Variants in S1PR1 observed in about 807,000 individuals in gnomAD.
The protein encoded by S1PR1 is sphingosine-1-phosphate receptor 1, also known as sphingosine 1-phosphate receptor 1.
S1PR1 carries 2 observed loss-of-function variants against 18.3 expected under a neutral mutation model. The ratio of observed to expected loss-of-function variants is 0.11; its 90% CI spans 0.04 to 0.34. The LOEUF (loss-of-function observed/expected upper bound fraction) is 0.34. S1PR1 is among the 10% of genes least tolerant of loss of function. The probability of loss-of-function intolerance (pLI) is 1.00; values close to 1 mark genes in which losing one functional copy is unlikely to be tolerated. For synonymous variants in S1PR1, 222 were observed against 211.2 expected (o/e 1.05, Z -0.44); for missense variants, 335 against 493.8 (o/e 0.68, Z 3.05).
intron 1 of S1PR1, 55 bp from the exon 2 acceptor site, chr1:101,238,767 A>C: frequency 1.7e-6 from 1 of 582,506 alleles, no homozygotes; most frequent in Non-Finnish European, 3.0e-6. Context: ...GCTAGAATGA[A>C]TTATGCCAGT....
chr1:101,240,057 C>G lies in S1PR1; in HGVS notation c.1073C>G (p.Ser358Cys), dbSNP rs777353310. ...MEFSRSKSDNSSHPQKDEGDN... is the reference protein window; with the variant it reads ...MEFSRSKSDNCSHPQKDEGDN... ...TTCAGCCGCAGCAAATCGGACAATT[C>G]CTCCCACCCCCAGAAAGACGAAGGG... Residue 358 changes from serine to cysteine, a missense_variant, in exon 2 of 2, where the codon TCC (serine) becomes TGC (cysteine). By Grantham distance (112) the Ser-to-Cys change is moderately radical (BLOSUM62 -1). Transcript: ENST00000305352. 3 of 1,613,536 alleles carry G rather than the reference C, an allele frequency of 1.9e-6. No individual in the cohort carries two copies. The highest frequency in any genetic ancestry group is 2.5e-6 in the Non-Finnish European group (3 of 1,180,038).
chr1:101,240,394 G>C lies in S1PR1; in HGVS notation c.*261G>C. On this transcript the variant is annotated 3_prime_UTR_variant, in exon 2 of 2. Coordinates refer to ENST00000305352, the MANE Select transcript of S1PR1 (RefSeq NM_001400.5). ...TCTACCCCCCTGGAGCTTTGATTTT[G>C]CACTGAGCCAAAGGTCTAGCATTGT... 1.8e-6 allele frequency: 1 copy of C among 547,638 alleles called. No individual in the cohort carries two copies. 33.9% of individuals were successfully genotyped at this position (547,638 alleles called of 1,614,324 possible).
At chr1:101,238,422 G>A (rs1652775537) in intron 1 of S1PR1, among the ~76,000 whole-genome samples, 1 of 151,530 alleles carries the variant, frequency 6.6e-6, no homozygotes, top group South Asian at 2.1e-4. Flanking sequence ...CTGGAAATCC[G>A]GGGGTGAGGG....
At position 101,238,838 on chromosome 1, in the gene S1PR1, C is replaced by A; in HGVS notation, c.-147C>A. The A allele has an allele frequency of 1.4e-6, 1 of 733,640 alleles. No homozygotes were observed. The highest frequency in any genetic ancestry group is 2.2e-6 in the Non-Finnish European group (1 of 458,118). 45.4% of individuals were successfully genotyped at this position (733,640 alleles called of 1,614,324 possible). On this transcript the variant is annotated 5_prime_UTR_variant, in exon 2 of 2. Transcript: ENST00000305352. ...TTGTTTAAGGCTGCGGTTTCCGAGGCCCTCTCCAGCCAAGGAAAAGCTACA... is the reference window on the plus strand; with the variant it reads ...TTGTTTAAGGCTGCGGTTTCCGAGGACCTCTCCAGCCAAGGAAAAGCTACA...
At position 101,238,911 on chromosome 1, in the gene S1PR1, C is replaced by A; in HGVS notation, c.-74C>A. Reference sequence around the variant, plus strand: ...GAACCACCCCTGAAGCCAGTGAAGGCTCTCTCGCCTCGCCCTCTAGCGTTC... The same window carrying A: ...GAACCACCCCTGAAGCCAGTGAAGGATCTCTCGCCTCGCCCTCTAGCGTTC... On this transcript the variant is annotated 5_prime_UTR_variant, in exon 2 of 2. Coordinates refer to ENST00000305352, the MANE Select transcript of S1PR1 (RefSeq NM_001400.5). 1 of 1,426,456 alleles carries A rather than the reference C, an allele frequency of 7.0e-7. No individual in the cohort carries two copies. Among genetic ancestry groups the A allele is most frequent in the Non-Finnish European group, 9.4e-7 (1 of 1,063,384 alleles). The allele number at this position is 1,426,456 out of a possible 1,614,324, so 88.4% of individuals were successfully genotyped here. A position where few individuals can be genotyped will look rare whatever the true frequency, so the allele number is the denominator to read the frequency against.
rs780417651 is a variant in S1PR1, at chr1:101,239,779, C to T, written c.795C>T (p.Phe265=). The T allele has an allele frequency of 2.5e-6, 4 of 1,613,742 alleles. No individual in the cohort carries two copies. The African/African-American group carries it at 5.3e-5, about 22-fold the overall frequency. Residue 265 remains phenylalanine (F), a synonymous_variant, in exon 2 of 2, where the codon TTC becomes TTT. Transcript: ENST00000305352. The surrounding 1 kb of genome is among the most constrained non-coding windows in gnomAD (Gnocchi z 6.3). The part of the protein sequence containing the change: ...LKTVIIVLSV[F]IACWAPLFIL... ...CCGTAATTATCGTCCTGAGCGTCTT[C>T]ATCGCCTGCTGGGCACCGCTCTTCA...
chr1:101,237,161 G>A (rs1652713816), intron 1 of S1PR1, 62 bp downstream of exon 1: 1 of 152,252 alleles, frequency 6.6e-6, no homozygotes, highest in Admixed American at 6.5e-5. Context: ...TAGGGCTTAG[G>A]TGTCAGAAAC....
Position 101,238,870 on chromosome 1 carries a change from G to A in S1PR1, c.-115G>A. The A allele has an allele frequency of 1.0e-6, 1 of 997,724 alleles. No individual in the cohort carries two copies. Among genetic ancestry groups the A allele is most frequent in the Admixed American group, 2.9e-5 (1 of 34,778 alleles). The allele number at this position is 997,724 out of a possible 1,614,324, so 61.8% of individuals were successfully genotyped here. A position where few individuals can be genotyped will look rare whatever the true frequency, so the allele number is the denominator to read the frequency against. Reference sequence around the variant, plus strand: ...CAGCCAAGGAAAAGCTACACAAAAAGCCTGGATCACTCATCGAACCACCCC... The same window carrying A: ...CAGCCAAGGAAAAGCTACACAAAAAACCTGGATCACTCATCGAACCACCCC... On this transcript the variant is annotated 5_prime_UTR_variant, in exon 2 of 2. Coordinates refer to ENST00000305352, the MANE Select transcript of S1PR1 (RefSeq NM_001400.5).
Position 101,239,953 on chromosome 1 carries a change from C to G in S1PR1, c.969C>G (p.Ile323Met). Residue 323 changes from isoleucine (I) to methionine (M), a missense_variant, in exon 2 of 2, where the codon ATC (isoleucine) becomes ATG (methionine). Physicochemically the swap from Ile to Met is conservative, Grantham distance 10. Coordinates refer to ENST00000305352, the MANE Select transcript of S1PR1 (RefSeq NM_001400.5). This position sits in a 1 kb window ranked among gnomAD's most constrained non-coding sequence, Gnocchi z 6.3. ...LTNKEMRRAF[I>M]RIMSCCKCPS... Reference sequence around the variant, plus strand: ...ACAAGGAGATGCGTCGGGCCTTCATCCGGATCATGTCCTGCTGCAAGTGCC... The same window carrying G: ...ACAAGGAGATGCGTCGGGCCTTCATGCGGATCATGTCCTGCTGCAAGTGCC... 4 of 1,614,166 alleles carry G rather than the reference C, an allele frequency of 2.5e-6. No individual in the cohort carries two copies. Among genetic ancestry groups the G allele is most frequent in the Non-Finnish European group, 3.4e-6 (4 of 1,180,032 alleles).
In S1PR1 at chr1:101,240,345, CA is replaced by C. The variant is rs1416795638; in HGVS notation, c.*213del. ...ACAATGCACTGGGAAGGGTGGAGAT[CA>C]GGTCCCGGCCTGGAATATATTTTCT... On this transcript the variant is annotated 3_prime_UTR_variant, in exon 2 of 2. Coordinates refer to ENST00000305352, the MANE Select transcript of S1PR1 (RefSeq NM_001400.5). 8.1e-6 allele frequency: 5 copies of C among 616,178 alleles called. No homozygotes were observed. The East Asian group carries it at 1.1e-4, about 14-fold the overall frequency. The allele number at this position is 616,178 out of a possible 1,614,324, so 38.2% of individuals were successfully genotyped here. A position where few individuals can be genotyped will look rare whatever the true frequency, so the allele number is the denominator to read the frequency against.
Position 101,240,079 on chromosome 1 carries a change from A to AG in S1PR1, c.1099dup (p.Asp367GlyfsTer131). 1 of 1,613,454 alleles carries AG rather than the reference A, an allele frequency of 6.2e-7. No individual in the cohort carries two copies. Among genetic ancestry groups the AG allele is most frequent in the South Asian group, 1.1e-5 (1 of 91,084 alleles). On this transcript the variant is annotated frameshift_variant, in exon 2 of 2. Transcript: ENST00000305352. LOFTEE classifies it high-confidence loss of function. ...ATTCCTCCCACCCCCAGAAAGACGA[A>AG]GGGGACAACCCAGAGACCATTATGT...
In S1PR1 at chr1:101,239,229, A is replaced by G; in HGVS notation, c.245A>G (p.Tyr82Cys). The change falls in exon 2 of 2, where the codon TAT (tyrosine) becomes TGT (cysteine). Residue 82 changes from tyrosine to cysteine, a missense_variant. Transcript: ENST00000305352. The surrounding 1 kb of genome is among the most constrained non-coding windows in gnomAD (Gnocchi z 6.3). ...KTKKFHRPMY[Y>C]FIGNLALSDL... ...AAGAAATTCCACCGACCCATGTACT[A>G]TTTTATTGGCAATCTGGCCCTCTCA... 1 of 1,614,140 alleles carries G rather than the reference A, an allele frequency of 6.2e-7. No individual in the cohort carries two copies. Among genetic ancestry groups the G allele is most frequent in the Non-Finnish European group, 8.5e-7 (1 of 1,180,022 alleles).
intron 1 of S1PR1, among the ~76,000 whole-genome samples, chr1:101,237,395 T>C (rs1433844741): frequency 6.6e-6 from 1 of 152,120 alleles, no homozygotes; most frequent in Non-Finnish European, 1.5e-5. Context: ...GGGAAGGCGT[T>C]AAATTTTGGA....
chr1:101,239,496 C>T lies in S1PR1; in HGVS notation c.512C>T (p.Ser171Phe). Residue 171 changes from serine (S) to phenylalanine (F), a missense_variant, in exon 2 of 2, where the codon TCC (serine) becomes TTC (phenylalanine). Transcript: ENST00000305352. The surrounding 1 kb of genome is among the most constrained non-coding windows in gnomAD (Gnocchi z 6.3). ...FLLISACWVI[S>F]LILGGLPIMG... is the part of the protein sequence containing the mutation. ...CTAATCAGCGCCTGCTGGGTCATCTCCCTCATCCTGGGTGGCCTGCCTATC... is the reference window on the plus strand; with the variant it reads ...CTAATCAGCGCCTGCTGGGTCATCTTCCTCATCCTGGGTGGCCTGCCTATC... The T allele has an allele frequency of 6.2e-7, 1 of 1,614,020 alleles. No homozygotes were observed. The highest frequency in any genetic ancestry group is 8.5e-7 in the Non-Finnish European group (1 of 1,180,016).
chr1:101,240,536 G>A lies in S1PR1; in HGVS notation c.*403G>A, dbSNP rs200883657. On this transcript the variant is annotated 3_prime_UTR_variant, in exon 2 of 2. Transcript: ENST00000305352. The stretch of plus-strand genomic sequence containing the variant: ...TCCTTCACTTTAGTTTCAAACCCAA[G>A]TGAGTGTGTGCACTTCTGCTTCTTT... The A allele has an allele frequency of 1.8e-4, 45 of 243,886 alleles. No homozygotes were observed. The highest frequency in any genetic ancestry group is 5.7e-4 in the Admixed American group (11 of 19,328). 15.1% of individuals were successfully genotyped at this position (243,886 alleles called of 1,614,324 possible).
chr1:101,238,266 T>A (rs1253773203), intron 1 of S1PR1: 1 of 151,698 alleles, frequency 6.6e-6, no homozygotes, highest in Non-Finnish European at 1.5e-5. Context: ...TGCTAGTATC[T>A]TTGAACTGGG....
rs1359054924 is a variant in S1PR1, at chr1:101,241,072, T to A, written c.*939T>A. 2 of 167,136 alleles carry A rather than the reference T, an allele frequency of 1.2e-5. No homozygotes were observed. The highest frequency in any genetic ancestry group is 1.3e-4 in the Admixed American group (2 of 15,296). 10.4% of individuals were successfully genotyped at this position (167,136 alleles called of 1,614,324 possible). Reference sequence around the variant, plus strand: ...TGTCTTTGGCACTTTTGTTGATGTTTATTTCAGAATGTTGTGTGATTCATT... The same window carrying A: ...TGTCTTTGGCACTTTTGTTGATGTTAATTTCAGAATGTTGTGTGATTCATT... On this transcript the variant is annotated 3_prime_UTR_variant, in exon 2 of 2. Coordinates refer to ENST00000305352, the MANE Select transcript of S1PR1 (RefSeq NM_001400.5).
chr1:101,237,452 T>C (rs1216899945), intron 1 of S1PR1, among the ~76,000 whole-genome samples: 1 of 152,192 alleles, frequency 6.6e-6, no homozygotes, highest in African/African-American at 2.4e-5. Flanking sequence ...GCGTGGGTAA[T>C]GGCTTAAATT....
chr1:101,240,564 G>A lies in S1PR1; in HGVS notation c.*431G>A. 4.6e-6 allele frequency: 1 copy of A among 218,884 alleles called. No homozygotes were observed. Among genetic ancestry groups the A allele is most frequent in the Non-Finnish European group, 1.0e-5 (1 of 99,514 alleles). The allele number at this position is 218,884 out of a possible 1,614,324, so 13.6% of individuals were successfully genotyped here. A position where few individuals can be genotyped will look rare whatever the true frequency, so the allele number is the denominator to read the frequency against. ...AGTGTGTGCACTTCTGCTTCTTTAG[G>A]GATGCCCTGTACATCCCACACCCCA... On this transcript the variant is annotated 3_prime_UTR_variant, in exon 2 of 2. Transcript: ENST00000305352.
Sources: allele counts gnomAD v4.1 joint callset (sites outside exome capture counted in the v4.1 genomes callset), GRCh38; gene constraint gnomAD v4.1.1; non-coding constraint Gnocchi (gnomAD v3.1); transcripts MANE v1.5; gene names NCBI Gene and HGNC (gene_info 2026-07-23, HGNC 2026-07-21).